POLR1A: variants seen among roughly 807,000 people sequenced by gnomAD.
POLR1A encodes the protein RNA polymerase I subunit A.
In POLR1A, 84 loss-of-function variants were observed where a neutral mutation model predicts 205.3. The ratio of observed to expected loss-of-function variants is 0.41; its 90% CI spans 0.34 to 0.49. The LOEUF is 0.49. Ranked by LOEUF, POLR1A falls within the 20% of genes least tolerant of loss-of-function variation. The pLI, the probability that POLR1A is intolerant of heterozygous loss-of-function variation, is 0.22. For missense variants in POLR1A, 1,645 were observed against 2,204.5 expected, an observed-to-expected ratio of 0.75 and a Z score of 5.08; for synonymous variants, 799 against 863.7, an observed-to-expected ratio of 0.93 and a Z score of 1.31.
chr2:86,065,980 A>G (rs180960444), intron 13 of POLR1A, among the ~76,000 whole-genome samples: 149 of 152,376 alleles, frequency 9.8e-4, no homozygotes, highest in African/African-American at 3.4e-3. Context: ...CCAAACAGAC[A>G]TGGTCCTTTA....
At chr2:86,043,686 A>C (rs2104391082) in intron 22 of POLR1A, among the ~76,000 whole-genome samples, 1 of 152,306 alleles carries the variant, frequency 6.6e-6, no homozygotes, top group East Asian at 1.9e-4. Flanking sequence ...GCATTAAGGT[A>C]TACAATGAAA....
intron 11 of POLR1A, 115 bp downstream of exon 11, chr2:86,077,744 T>C (rs997621045): frequency 4.1e-6 from 5 of 1,228,082 alleles, no homozygotes; most frequent in African/African-American, 3.0e-5. Flanking sequence ...GCACATCCTG[T>C]CCCCAGTCCT....
chr2:86,090,536 G>T (rs1322012509), intron 3 of POLR1A, among the ~76,000 whole-genome samples: 6 of 152,196 alleles, frequency 3.9e-5, no homozygotes, highest in African/African-American at 1.4e-4. Flanking sequence ...CGACAGGACA[G>T]TGAGGAATAA....
At chr2:86,100,535 C>CTTT (rs568031636) in intron 1 of POLR1A, among the ~76,000 whole-genome samples, 3 of 137,630 alleles carry the variant, frequency 2.2e-5, no homozygotes, top group African/African-American at 8.1e-5. Flanking sequence ...ATTATTCTGT[C>CTTT]TTTTTTTTTT....
chr2:86,084,806 T>C (rs1673473330), intron 6 of POLR1A, among the ~76,000 whole-genome samples: 1 of 150,972 alleles, frequency 6.6e-6, no homozygotes, highest in Admixed American at 6.6e-5. Context: ...TTTTAAAAAC[T>C]AGCTTCATTC....
rs1690239860 is a variant in POLR1A at position 86,025,203 on chromosome 2, AT to A, written c.*2219del. 6.6e-6 allele frequency: 1 copy of A among 152,202 alleles called. No homozygotes were observed. The highest frequency in any genetic ancestry group is 1.5e-5 in the Non-Finnish European group (1 of 68,048). 9.4% of individuals were successfully genotyped at this position (152,202 alleles called of 1,614,324 possible). ...CCACCAGATGATCAATCTCCATTAC[AT>A]TTTGATTAAAAATGACAACGCAGAT... is the stretch of plus-strand genomic sequence containing the variant. On this transcript the variant is annotated 3_prime_UTR_variant, in exon 34 of 34. Transcript: ENST00000263857.
rs115265754 is a variant in POLR1A at position 86,031,267 on chromosome 2, C to A, written c.4578+63G>T. 1.5e-3 allele frequency: 2,332 copies of A among 1,504,640 alleles called. 24 individuals are homozygous for A. The African/African-American group carries it at 0.027, about 17-fold the overall frequency. 93.2% of individuals were successfully genotyped at this position (1,504,640 alleles called of 1,614,324 possible). A position where few individuals can be genotyped will look rare whatever the true frequency, so the allele number is the denominator to read the frequency against. On this transcript the variant is annotated intron_variant, in intron 30 of 33. Coordinates refer to ENST00000263857, the MANE Select transcript of POLR1A (RefSeq NM_015425.6). ...TGCAGGGGAGCTCAGCAGGCCCCTT[C>A]CACAGAGGGATTTGGCCAGCTGGAC... is the stretch of plus-strand genomic sequence containing the variant.
intron 14 of POLR1A, among the ~76,000 whole-genome samples, chr2:86,060,445 A>G: frequency 6.6e-6 from 1 of 152,222 alleles, no homozygotes; most frequent in East Asian, 1.9e-4. Context: ...TTTTACTATC[A>G]GAAGTCAAGA....
intron 24 of POLR1A, 71 bp from the exon 25 acceptor site, chr2:86,040,630 A>G (rs545791074): frequency 2.2e-5 from 27 of 1,231,386 alleles, no homozygotes; most frequent in Non-Finnish European, 2.9e-5. Context: ...CAGACTGTCA[A>G]TGCTGCCCGA....
chr2:86,041,303 T>C (rs1033211680), intron 24 of POLR1A, among the ~76,000 whole-genome samples: 5 of 150,116 alleles, frequency 3.3e-5, no homozygotes, highest in Non-Finnish European at 3.0e-5. Context: ...TGTGTGTGTC[T>C]GTCCTAGTCC....
intron 16 of POLR1A, 66 bp downstream of exon 16, chr2:86,052,751 C>A: frequency 7.6e-7 from 1 of 1,312,768 alleles, no homozygotes; most frequent in Non-Finnish European, 1.0e-6. Flanking sequence ...CTGTCCTGGG[C>A]CTGGGAGATG....
At chr2:86,062,820 C>T (rs376242619) in intron 14 of POLR1A, among the ~76,000 whole-genome samples, 41 of 152,060 alleles carry the variant, frequency 2.7e-4, no homozygotes, top group African/African-American at 8.2e-4. Context: ...AGAGAAGACA[C>T]AAATTATCAA....
chr2:86,095,457 G>A (rs908684578), intron 3 of POLR1A, among the ~76,000 whole-genome samples: 2 of 152,224 alleles, frequency 1.3e-5, no homozygotes, highest in African/African-American at 4.8e-5. Context: ...CAGAATTGAT[G>A]AGACAATTTT....
In POLR1A at chr2:86,067,112, C is replaced by A. The variant is rs188708866; in HGVS notation, c.1867-1647G>T. On this transcript the variant is annotated intron_variant, in intron 13 of 33. Transcript: ENST00000263857. ...TAGACAATTACTTTGATGGCTAAAT[C>A]ATTTTCAATGCAATCATCACAAATT... Among the ~76,000 whole-genome samples, 11 of 152,298 alleles carry A rather than the reference C, an allele frequency of 7.2e-5. No homozygotes were observed. In the East Asian group the frequency reaches 1.7e-3, roughly 24 times the overall value.
chr2:86,081,122 G>T, intron 8 of POLR1A, 144 bp from the exon 9 acceptor site: 1 of 748,820 alleles, frequency 1.3e-6, no homozygotes. Flanking sequence ...CCGGCTGGGT[G>T]TGGTGGCTTA....
At chr2:86,105,582 A>C in intron 1 of POLR1A, 118 bp downstream of exon 1, 1 of 664,424 alleles carries the variant, frequency 1.5e-6, no homozygotes, top group Non-Finnish European at 2.6e-6. Context: ...CAGCAGGACA[A>C]GCGCCAGACA....
chr2:86,037,816 G>A lies in POLR1A; in HGVS notation c.4034+884C>T, dbSNP rs150069605. On this transcript the variant is annotated intron_variant, in intron 27 of 33. Coordinates refer to ENST00000263857, the MANE Select transcript of POLR1A (RefSeq NM_015425.6). ...GACCCAAGAAAGAAAAAAACGTAGG[G>A]GGTGGGAAGCTTGTTTTCTTTCTTT... 2.8e-3 allele frequency among the ~76,000 whole-genome samples: 423 copies of A among 152,358 alleles called. 4 individuals carry two copies. Among genetic ancestry groups the A allele is most frequent in the African/African-American group, 9.4e-3 (389 of 41,590 alleles).
At chr2:86,097,217 A>G (rs1161519991) in intron 3 of POLR1A, among the ~76,000 whole-genome samples, 1 of 129,370 alleles carries the variant, frequency 7.7e-6, no homozygotes, top group East Asian at 2.0e-4. Flanking sequence ...CAAAAGACAA[A>G]AAAAAAAAAA....
chr2:86,023,530 C>A lies in POLR1A; in HGVS notation c.*3893G>T, dbSNP rs1690192027. 1.3e-5 allele frequency: 2 copies of A among 152,110 alleles called. No homozygotes were observed. Among genetic ancestry groups the A allele is most frequent in the Non-Finnish European group, 2.9e-5 (2 of 68,030 alleles). The allele number at this position is 152,110 out of a possible 1,614,324, so 9.4% of individuals were successfully genotyped here. On this transcript the variant is annotated 3_prime_UTR_variant, in exon 34 of 34. Coordinates refer to ENST00000263857, the MANE Select transcript of POLR1A (RefSeq NM_015425.6). ...CATCTGATTGAAACACAGCCCACAC[C>A]AAACCACGAGATGGCACCTCATACA...
Sources: allele counts gnomAD v4.1 joint callset (sites outside exome capture counted in the v4.1 genomes callset), GRCh38; gene constraint gnomAD v4.1.1; transcripts MANE v1.5; gene names NCBI Gene and HGNC (gene_info 2026-07-23, HGNC 2026-07-21).